EYA4: variants seen among roughly 807,000 people sequenced by gnomAD.
The protein encoded by EYA4 is EYA transcriptional coactivator and phosphatase 4.
EYA4 carries 31 observed loss-of-function variants against 87.9 expected under a neutral mutation model. That is an observed-to-expected ratio of 0.35 (90% CI 0.27 to 0.48). The LOEUF (loss-of-function observed/expected upper bound fraction) is 0.48. Among genes scored for constraint, EYA4 ranks in the 20% least tolerant of loss-of-function variants. The pLI, the probability that EYA4 is intolerant of heterozygous loss-of-function variation, is 0.99. For synonymous variants in EYA4, 263 were observed against 270.6 expected, an observed-to-expected ratio of 0.97 and a Z score of 0.28; for missense variants, 678 against 761.4, an observed-to-expected ratio of 0.89 and a Z score of 1.29.
At chr6:133,450,964 A>G (rs1793381400) in intron 5 of EYA4, among the ~76,000 whole-genome samples, 1 of 152,252 alleles carries the variant, frequency 6.6e-6, no homozygotes, top group Non-Finnish European at 1.5e-5. Flanking sequence ...GCAGATTTAT[A>G]TGGAACATAG....
intron 2 of EYA4, among the ~76,000 whole-genome samples, chr6:133,281,238 A>G (rs180968586): frequency 2.0e-5 from 3 of 152,308 alleles, no homozygotes; most frequent in Admixed American, 2.0e-4. Context: ...TTCAAAGGAT[A>G]TCTCCCATTT....
chr6:133,370,802 A>G (rs940408411), intron 2 of EYA4, among the ~76,000 whole-genome samples: 2 of 151,444 alleles, frequency 1.3e-5, no homozygotes, highest in Admixed American at 1.3e-4. Flanking sequence ...TCATCTTGAT[A>G]GATATGTCAT....
intron 1 of EYA4, among the ~76,000 whole-genome samples, chr6:133,267,972 G>A (rs894871056): frequency 2.0e-5 from 3 of 152,078 alleles, no homozygotes; most frequent in African/African-American, 4.8e-5. Flanking sequence ...TGAGGACACC[G>A]TGTTCACAGT....
chr6:133,299,125 G>A (rs561325642), intron 2 of EYA4, among the ~76,000 whole-genome samples: 10 of 152,200 alleles, frequency 6.6e-5, no homozygotes, highest in African/African-American at 1.2e-4. Context: ...TGAACAGGGC[G>A]GAATTTTAGA....
chr6:133,497,285 T>C (rs1797723201), intron 13 of EYA4, among the ~76,000 whole-genome samples: 1 of 152,204 alleles, frequency 6.6e-6, no homozygotes, highest in South Asian at 2.1e-4. Flanking sequence ...AATGTAGGAA[T>C]GACCTTTTAC....
chr6:133,318,271 T>G (rs1336525), intron 2 of EYA4, among the ~76,000 whole-genome samples: 66,318 of 151,652 alleles, frequency 0.44, 15,139 homozygotes, highest in Non-Finnish European at 0.52. Flanking sequence ...ACTTCGCTGA[T>G]GATAGAACTT....
At chr6:133,508,284 A>G (rs1170404784) in intron 14 of EYA4, among the ~76,000 whole-genome samples, 2 of 152,134 alleles carry the variant, frequency 1.3e-5, no homozygotes, top group Non-Finnish European at 2.9e-5. Context: ...AACAAATAAT[A>G]ATCACCTCTC....
At chr6:133,477,978 G>A (rs1177361350) in intron 11 of EYA4, among the ~76,000 whole-genome samples, 1 of 151,934 alleles carries the variant, frequency 6.6e-6, no homozygotes, top group Non-Finnish European at 1.5e-5. Flanking sequence ...GATATCAAAT[G>A]AGCAAGAAAC....
chr6:133,479,416 TA>T (rs1309283325), intron 11 of EYA4, among the ~76,000 whole-genome samples: 4 of 152,210 alleles, frequency 2.6e-5, no homozygotes, highest in African/African-American at 7.2e-5. Flanking sequence ...AGCACAGGCA[TA>T]TTTTTTTGAT....
intron 2 of EYA4, among the ~76,000 whole-genome samples, chr6:133,314,675 T>C (rs1780489769): frequency 6.6e-6 from 1 of 152,230 alleles, no homozygotes; most frequent in African/African-American, 2.4e-5. Flanking sequence ...TCAACTAAAA[T>C]TTGGTTAACA....
At chr6:133,356,079 G>A (rs199763742) in intron 2 of EYA4, among the ~76,000 whole-genome samples, 7 of 146,630 alleles carry the variant, frequency 4.8e-5, no homozygotes, top group Non-Finnish European at 9.0e-5. Context: ...GAGAGAGAGA[G>A]AAAAGAGTGT....
intron 1 of EYA4, among the ~76,000 whole-genome samples, chr6:133,274,320 C>T (rs989822240): frequency 6.6e-6 from 1 of 152,098 alleles, no homozygotes; most frequent in Non-Finnish European, 1.5e-5. Flanking sequence ...TATTAAAATG[C>T]ACACTTACTT....
At chr6:133,349,679 T>C (rs1346236870) in intron 2 of EYA4, among the ~76,000 whole-genome samples, 1 of 151,366 alleles carries the variant, frequency 6.6e-6, no homozygotes, top group Non-Finnish European at 1.5e-5. Flanking sequence ...TATAGGAATG[T>C]GGGGGCTGTA....
intron 3 of EYA4, among the ~76,000 whole-genome samples, chr6:133,402,377 G>A (rs2128517874): frequency 6.6e-6 from 1 of 152,266 alleles, no homozygotes; most frequent in East Asian, 1.9e-4. Context: ...TATTCTCTAA[G>A]TAGTTGCTCT....
At chr6:133,379,262 G>A (rs970971602) in intron 2 of EYA4, among the ~76,000 whole-genome samples, 1 of 152,030 alleles carries the variant, frequency 6.6e-6, no homozygotes, top group Non-Finnish European at 1.5e-5. Flanking sequence ...CTGCCTAAAT[G>A]ATAGTCATTG....
At chr6:133,344,070 G>A (rs1376568156) in intron 2 of EYA4, among the ~76,000 whole-genome samples, 7 of 152,178 alleles carry the variant, frequency 4.6e-5, no homozygotes, top group African/African-American at 1.4e-4. Flanking sequence ...GAGAACAGGA[G>A]AGTGTTCATT....
rs1800634027 is a variant in EYA4, at chr6:133,526,405, A to G, written c.1839+1151A>G. Among the ~76,000 whole-genome samples the G allele has an allele frequency of 3.9e-5, 6 of 152,134 alleles. No individual in the cohort carries two copies. The South Asian group carries it at 1.3e-3, about 32-fold the overall frequency. On this transcript the variant is annotated intron_variant, in intron 19 of 19. Transcript: ENST00000355286. ...CCTGTTTTCAAAAAACAGTCAACAT[A>G]GACAGTTTTATAGAAAAGTTTATGG...
chr6:133,455,336 A>C (rs975292832), intron 5 of EYA4, among the ~76,000 whole-genome samples: 1 of 152,076 alleles, frequency 6.6e-6, no homozygotes, highest in Non-Finnish European at 1.5e-5. Flanking sequence ...CTTTTTTGCT[A>C]AGAAAAGTAA....
intron 2 of EYA4, among the ~76,000 whole-genome samples, chr6:133,321,012 A>G (rs73557778): frequency 0.014 from 2,178 of 152,266 alleles, 53 homozygotes; most frequent in African/African-American, 0.049. Context: ...CTAGATTACA[A>G]ATTGTTTTCT....
Sources: gnomAD v4.1 joint callset for allele counts (sites outside exome capture counted in the v4.1 genomes callset) on GRCh38, gnomAD v4.1.1 for gene constraint, MANE v1.5 for transcripts, NCBI Gene and HGNC (gene_info 2026-07-23, HGNC 2026-07-21) for gene names.